SOX6: variants seen among roughly 807,000 people sequenced by gnomAD.
The protein encoded by SOX6 is SRY-box transcription factor 6.
In SOX6, 11 loss-of-function variants were observed where a neutral mutation model predicts 97.8. The observed-to-expected ratio is 0.11, with a 90% confidence interval of 0.07 to 0.19. The LOEUF (loss-of-function observed/expected upper bound fraction) is 0.19. Ranked by LOEUF, SOX6 falls within the 10% of genes least tolerant of loss-of-function variation. The probability of loss-of-function intolerance (pLI) is 1.00; values close to 1 mark genes in which losing one functional copy is unlikely to be tolerated. For synonymous variants in SOX6, 360 were observed against 371.4 expected (o/e 0.97, Z 0.35); for missense variants, 810 against 1,039.5 (o/e 0.78, Z 3.04).
intron 9 of SOX6, among the ~76,000 whole-genome samples, chr11:16,073,637 C>T (rs994237280): frequency 2.0e-5 from 3 of 152,132 alleles, no homozygotes; most frequent in Non-Finnish European, 4.4e-5. Flanking sequence ...ACAGAATATA[C>T]ATTCTTCTCA....
intron 4 of SOX6, among the ~76,000 whole-genome samples, chr11:16,493,729 A>G (rs982705644): frequency 2.0e-5 from 3 of 152,352 alleles, no homozygotes; most frequent in African/African-American, 4.8e-5. Flanking sequence ...TGATAAAAAT[A>G]CAAACTAAAA....
chr11:16,706,499 T>A (rs866720150), intron 3 of SOX6, among the ~76,000 whole-genome samples: 3,485 of 36,046 alleles, frequency 0.097, 1,102 homozygotes, highest in Non-Finnish European at 0.15. Context: ...TATATATATA[T>A]ATATATATAT....
intron 4 of SOX6, among the ~76,000 whole-genome samples, chr11:16,525,692 G>A (rs1861147386): frequency 6.6e-6 from 1 of 151,796 alleles, no homozygotes; most frequent in Admixed American, 6.6e-5. Context: ...AGAGTGAACA[G>A]GCAACCTACA....
intron 7 of SOX6, among the ~76,000 whole-genome samples, chr11:16,099,965 A>G (rs1284772947): frequency 6.6e-6 from 1 of 151,902 alleles, no homozygotes; most frequent in African/African-American, 2.4e-5. Context: ...AGAGCAACAG[A>G]GTATATAACA....
At chr11:16,486,397 T>A (rs1429729304) in intron 4 of SOX6, among the ~76,000 whole-genome samples, 1 of 152,190 alleles carries the variant, frequency 6.6e-6, no homozygotes, top group East Asian at 1.9e-4. Flanking sequence ...TTGTCTTTTT[T>A]AAGATCTTTT....
At chr11:16,179,931 T>G (rs1851304014) in intron 6 of SOX6, among the ~76,000 whole-genome samples, 2 of 151,828 alleles carry the variant, frequency 1.3e-5, no homozygotes, top group Admixed American at 6.6e-5. Flanking sequence ...AAAGGAAGTT[T>G]CTCACAGAGA....
chr11:16,499,465 G>C (rs966512753), intron 4 of SOX6, among the ~76,000 whole-genome samples: 1 of 152,144 alleles, frequency 6.6e-6, no homozygotes, highest in Non-Finnish European at 1.5e-5. Context: ...GATCAGAGCA[G>C]AACTGAAAGA....
intron 4 of SOX6, among the ~76,000 whole-genome samples, chr11:16,595,679 G>A (rs184508526): frequency 1.7e-3 from 261 of 151,934 alleles, no homozygotes; most frequent in Non-Finnish European, 2.6e-3. Context: ...GGAGGCTGAG[G>A]CAGGAGAATT....
intron 12 of SOX6, among the ~76,000 whole-genome samples, chr11:16,033,265 A>T (rs1453736913): frequency 6.6e-6 from 1 of 152,202 alleles, no homozygotes; most frequent in African/African-American, 2.4e-5. Context: ...ATATTATCTT[A>T]TTTAATATTT....
chr11:16,092,911 T>C (rs150211286), intron 9 of SOX6, among the ~76,000 whole-genome samples: 1 of 151,920 alleles, frequency 6.6e-6, no homozygotes, highest in Non-Finnish European at 1.5e-5. Context: ...AGAAACAATC[T>C]AACATCATCA....
At chr11:16,164,853 A>C (rs1850844841) in intron 6 of SOX6, among the ~76,000 whole-genome samples, 1 of 151,914 alleles carries the variant, frequency 6.6e-6, no homozygotes, top group South Asian at 2.1e-4. Context: ...AGAAAGAAAA[A>C]AGAAAGTCCA....
rs946707426 is a variant in SOX6 at position 16,670,837 on chromosome 11, C to T, written n.429+43993G>A. 4.6e-5 allele frequency among the ~76,000 whole-genome samples: 7 copies of T among 151,536 alleles called. No individual in the cohort carries two copies. In the East Asian group the frequency reaches 1.4e-3, roughly 30 times the overall value. On this transcript the variant is annotated intron_variant and non_coding_transcript_variant, in intron 3 of 5. Transcript: ENST00000524520. Reference sequence around the variant, plus strand: ...GAGATCATGCCAGAGCTGCAGTGGGCAGCCCAGGAGTGCAAAGCCATGAAC... The same window carrying T: ...GAGATCATGCCAGAGCTGCAGTGGGTAGCCCAGGAGTGCAAAGCCATGAAC...
intron 4 of SOX6, among the ~76,000 whole-genome samples, chr11:16,497,140 A>T (rs911272721): frequency 6.6e-6 from 1 of 152,228 alleles, no homozygotes; most frequent in African/African-American, 2.4e-5. Flanking sequence ...ACGATCAGGC[A>T]GCAACATTTG....
At chr11:16,685,808 T>C (rs1235052490) in intron 3 of SOX6, among the ~76,000 whole-genome samples, 2 of 152,284 alleles carry the variant, frequency 1.3e-5, no homozygotes, top group African/African-American at 2.4e-5. Context: ...TCCTCTGTAC[T>C]GTTGTACCCT....
chr11:16,647,407 G>GTA (rs2134010397), intron 3 of SOX6, among the ~76,000 whole-genome samples: 1 of 152,208 alleles, frequency 6.6e-6, no homozygotes, highest in South Asian at 2.1e-4. Context: ...AAGGTATTCA[G>GTA]TATATATATC....
chr11:16,518,204 C>T (rs1251052980), intron 4 of SOX6, among the ~76,000 whole-genome samples: 1 of 152,172 alleles, frequency 6.6e-6, no homozygotes, highest in Non-Finnish European at 1.5e-5. Flanking sequence ...GACAACAATT[C>T]TGCCAAATAA....
At chr11:16,495,680 C>A (rs1012051212) in intron 4 of SOX6, among the ~76,000 whole-genome samples, 1 of 152,206 alleles carries the variant, frequency 6.6e-6, no homozygotes, top group Non-Finnish European at 1.5e-5. Context: ...ATTGCCCATG[C>A]AACACCCACT....
intron 3 of SOX6, among the ~76,000 whole-genome samples, chr11:16,703,554 A>C (rs1438139917): frequency 6.6e-6 from 1 of 152,194 alleles, no homozygotes; most frequent in Admixed American, 6.5e-5. Flanking sequence ...TAATAATATA[A>C]ACTAGAAATA....
chr11:16,247,415 T>C (rs1159049765), intron 3 of SOX6, among the ~76,000 whole-genome samples: 2 of 152,146 alleles, frequency 1.3e-5, no homozygotes, highest in Non-Finnish European at 2.9e-5. Context: ...CTTTCTGTAT[T>C]AGTCCATTCT....
Sources: allele counts gnomAD v4.1 joint callset (sites outside exome capture counted in the v4.1 genomes callset), GRCh38; gene constraint gnomAD v4.1.1; transcripts MANE v1.5; gene names NCBI Gene and HGNC (gene_info 2026-07-23, HGNC 2026-07-21).